Variants in LPP observed in about 807,000 individuals in gnomAD.
LPP encodes the protein LIM domain containing preferred translocation partner in lipoma.
Under a neutral mutation model 60.4 loss-of-function variants are expected in LPP, and 38 were observed. The ratio of observed to expected loss-of-function variants is 0.63; its 90% CI spans 0.49 to 0.83. The LOEUF (loss-of-function observed/expected upper bound fraction) is 0.83. Among genes scored for constraint, LPP ranks in the 40% least tolerant of loss-of-function variants. The pLI is 0.00. For synonymous variants in LPP, 328 were observed against 290.8 expected (o/e 1.13, Z -1.30); for missense variants, 902 against 783.6 (o/e 1.15, Z -1.80).
intron 3 of LPP, among the ~76,000 whole-genome samples, chr3:188,383,171 T>G (rs1002693810): frequency 1.3e-5 from 2 of 152,208 alleles, no homozygotes; most frequent in African/African-American, 4.8e-5. Context: ...GATCACATAT[T>G]AAAAATTTAT....
At chr3:188,818,640 A>G (rs945231076) in intron 9 of LPP, among the ~76,000 whole-genome samples, 8 of 152,170 alleles carry the variant, frequency 5.3e-5, no homozygotes, top group African/African-American at 1.2e-4. Flanking sequence ...GGTAGGATGG[A>G]AAGAGTTTAG....
intron 6 of LPP, among the ~76,000 whole-genome samples, chr3:188,575,161 G>A (rs1157113871): frequency 2.0e-5 from 3 of 152,154 alleles, no homozygotes; most frequent in Non-Finnish European, 2.9e-5. Flanking sequence ...CTGGGAGGCA[G>A]TAATAACATG....
chr3:188,692,474 T>C (rs889862690), intron 7 of LPP, among the ~76,000 whole-genome samples: 7 of 152,242 alleles, frequency 4.6e-5, no homozygotes, highest in African/African-American at 1.4e-4. Flanking sequence ...GCTAGATCTC[T>C]GGATATGCAA....
At position 188,610,743 on chromosome 3, in the gene LPP, C is replaced by T. The variant is rs1182319099; in HGVS notation, c.1113+899C>T. Among the ~76,000 whole-genome samples, 1 of 152,132 alleles carries T rather than the reference C, an allele frequency of 6.6e-6. No individual in the cohort carries two copies. Among genetic ancestry groups the T allele is most frequent in the Non-Finnish European group, 1.5e-5 (1 of 68,020 alleles). Reference sequence around the variant, plus strand: ...TTTTTCATTAGTACTGGAACCAACACGATGTTGATTCCTCCCATTATGACT... The same window carrying T: ...TTTTTCATTAGTACTGGAACCAACATGATGTTGATTCCTCCCATTATGACT... On this transcript the variant is annotated intron_variant, in intron 7 of 11. Coordinates refer to ENST00000617246, the MANE Select transcript of LPP (RefSeq NM_001375462.1). The surrounding 1 kb of genome is among the most constrained non-coding windows in gnomAD (Gnocchi z 4.4).
At chr3:188,674,428 T>A (rs1479080100) in intron 7 of LPP, among the ~76,000 whole-genome samples, 1 of 152,166 alleles carries the variant, frequency 6.6e-6, no homozygotes, top group Non-Finnish European at 1.5e-5. Flanking sequence ...CCTTCTCCAA[T>A]CTGCCTTGGG....
At chr3:188,781,129 C>A (rs150731412) in intron 9 of LPP, among the ~76,000 whole-genome samples, 2 of 152,120 alleles carry the variant, frequency 1.3e-5, no homozygotes, top group African/African-American at 4.8e-5. Context: ...TTGTGTAAAG[C>A]GGCTATAATA....
At chr3:188,729,346 G>C (rs1362727423) in intron 8 of LPP, among the ~76,000 whole-genome samples, 1 of 152,178 alleles carries the variant, frequency 6.6e-6, no homozygotes, top group African/African-American at 2.4e-5. Context: ...GGATGTTTTG[G>C]ATGTTTACCT....
chr3:188,311,435 T>C (rs1416566792), intron 2 of LPP, among the ~76,000 whole-genome samples: 1 of 152,090 alleles, frequency 6.6e-6, no homozygotes, highest in Non-Finnish European at 1.5e-5. Flanking sequence ...ATTGTGCTGC[T>C]ATACTCCAGC....
intron 5 of LPP, among the ~76,000 whole-genome samples, chr3:188,519,508 C>T (rs1030624689): frequency 1.3e-5 from 2 of 152,086 alleles, no homozygotes; most frequent in Admixed American, 6.5e-5. Flanking sequence ...TGAAAATTAA[C>T]AGTAGATAAA....
Position 188,603,657 on chromosome 3 carries a change from T to TAATAA in LPP, c.430-5504_430-5503insAATAA, listed in dbSNP as rs1318148740. ...TTGCTATTATTACACATTTTTGGGGTTACCAATAGGTATTTTAGCTTGTGT... is the reference window on the plus strand; with the variant it reads ...TTGCTATTATTACACATTTTTGGGGTAATAATACCAATAGGTATTTTAGCTTGTGT... On this transcript the variant is annotated intron_variant, in intron 6 of 11. Transcript: ENST00000617246. Among the ~76,000 whole-genome samples the TAATAA allele has an allele frequency of 2.0e-5, 3 of 152,180 alleles. No individual in the cohort carries two copies. In the South Asian group the frequency reaches 6.2e-4, roughly 31 times the overall value.
intron 1 of LPP, among the ~76,000 whole-genome samples, chr3:188,157,230 C>T (rs1333337021): frequency 2.0e-5 from 3 of 152,152 alleles, no homozygotes; most frequent in South Asian, 2.1e-4. Flanking sequence ...CAAAGGTCCC[C>T]TGAGAATGAG....
intron 9 of LPP, among the ~76,000 whole-genome samples, chr3:188,821,040 T>C (rs542728663): frequency 6.6e-6 from 1 of 152,078 alleles, no homozygotes; most frequent in East Asian, 1.9e-4. Flanking sequence ...CCTTTTGTCC[T>C]GGTTACCAGA....
chr3:188,389,139 G>GTA (rs148833317), intron 3 of LPP, among the ~76,000 whole-genome samples: 1,525 of 151,604 alleles, frequency 0.01, 30 homozygotes, highest in African/African-American at 0.035. Context: ...GTGTGCGTAT[G>GTA]TGTGTGTGTG....
At chr3:188,371,633 ATATATATATTTTTTTTTT>A (rs1490616082) in intron 3 of LPP, among the ~76,000 whole-genome samples, 1 of 28,712 alleles carries the variant, frequency 3.5e-5, no homozygotes, top group Non-Finnish European at 8.5e-5. Context: ...ATATATATAT[ATATATATATTTTTTTTTT>A]TTTTTTTTTT....
intron 8 of LPP, among the ~76,000 whole-genome samples, chr3:188,742,355 A>G (rs1724754440): frequency 6.6e-6 from 1 of 152,132 alleles, no homozygotes; most frequent in South Asian, 2.1e-4. Flanking sequence ...GTTCATAGCA[A>G]CTATATTTAT....
At chr3:188,619,480 G>T (rs998375541) in intron 7 of LPP, among the ~76,000 whole-genome samples, 10 of 152,184 alleles carry the variant, frequency 6.6e-5, no homozygotes, top group Non-Finnish European at 1.3e-4. Context: ...CAGAGAATAT[G>T]AAGCAGGACC....
At chr3:188,347,195 G>C (rs372891008) in intron 3 of LPP, among the ~76,000 whole-genome samples, 3 of 152,124 alleles carry the variant, frequency 2.0e-5, no homozygotes, top group African/African-American at 2.4e-5. Context: ...AAGACAAATA[G>C]AGACAATGAT....
At chr3:188,167,158 C>A (rs1270404152) in intron 1 of LPP, among the ~76,000 whole-genome samples, 1 of 152,194 alleles carries the variant, frequency 6.6e-6, no homozygotes, top group Non-Finnish European at 1.5e-5. Flanking sequence ...TTTCACATAA[C>A]ATGATTGTGG....
At chr3:188,396,934 T>C (rs941691359) in intron 3 of LPP, among the ~76,000 whole-genome samples, 5 of 152,236 alleles carry the variant, frequency 3.3e-5, no homozygotes, top group African/African-American at 1.2e-4. Flanking sequence ...ATTTTAAATC[T>C]GCAGAAACTG....
Sources: gnomAD v4.1 joint callset for allele counts (sites outside exome capture counted in the v4.1 genomes callset) on GRCh38, gnomAD v4.1.1 for gene constraint, Gnocchi (gnomAD v3.1) non-coding constraint, MANE v1.5 for transcripts, NCBI Gene and HGNC (gene_info 2026-07-23, HGNC 2026-07-21) for gene names.